SPATA1: variants seen among roughly 807,000 people sequenced by gnomAD.
The protein encoded by SPATA1 is spermatogenesis-associated protein 1.
Under a neutral mutation model 59.6 loss-of-function variants are expected in SPATA1, and 57 were observed. That is an observed-to-expected ratio of 0.96 (90% confidence interval 0.77 to 1.19). SPATA1 has a LOEUF of 1.19. SPATA1 is among the 50% of genes most tolerant of loss of function. The probability of loss-of-function intolerance (pLI) is 0.00; values close to 1 mark genes in which losing one functional copy is unlikely to be tolerated. For missense variants in SPATA1, 448 were observed against 480.7 expected, an observed-to-expected ratio of 0.93 and a Z score of 0.64; for synonymous variants, 147 against 163.9, an observed-to-expected ratio of 0.90 and a Z score of 0.79.
intron 4 of SPATA1, chr1:84,563,838 C>T: frequency 6.3e-7 from 1 of 1,596,878 alleles, no homozygotes; most frequent in Non-Finnish European, 8.5e-7. Context: ...ATATCCTAGT[C>T]AAGCAGGAGA....
At chr1:84,530,420 T>G (rs564555235) in intron 6 of SPATA1, among the ~76,000 whole-genome samples, 1 of 152,324 alleles carries the variant, frequency 6.6e-6, no homozygotes, top group South Asian at 2.1e-4. Context: ...AGAAGTACTA[T>G]GAACTGGTAC....
intron 6 of SPATA1, among the ~76,000 whole-genome samples, chr1:84,529,717 C>A (rs1683385359): frequency 6.7e-6 from 1 of 150,362 alleles, no homozygotes; most frequent in Admixed American, 6.7e-5. Context: ...GCTGGAATTA[C>A]AGGTGCCTGC....
At chr1:84,564,216 A>C (rs1684646480) in intron 4 of SPATA1, among the ~76,000 whole-genome samples, 1 of 152,228 alleles carries the variant, frequency 6.6e-6, no homozygotes, top group Admixed American at 6.5e-5. Flanking sequence ...ACTTTCTAGC[A>C]GTGATGGTCT....
intron 4 of SPATA1, among the ~76,000 whole-genome samples, chr1:84,561,511 T>C (rs1245031565): frequency 1.3e-5 from 2 of 152,242 alleles, no homozygotes; most frequent in African/African-American, 4.8e-5. Flanking sequence ...AACTTATTAA[T>C]AAAGCAGCAG....
chr1:84,551,340 C>G, intron 12 of SPATA1: 1 of 882,974 alleles, frequency 1.1e-6, no homozygotes, highest in Non-Finnish European at 1.4e-6. Context: ...AAAAGAAAAT[C>G]AGTACTGTCC....
chr1:84,520,462 G>A, intron 2 of SPATA1, 123 bp from the exon 3 acceptor site: 1 of 631,342 alleles, frequency 1.6e-6, no homozygotes, highest in Non-Finnish European at 2.5e-6. Flanking sequence ...TTTGTTCAGA[G>A]GGATGTATGT....
chr1:84,512,710 C>G (rs761464744), intron 1 of SPATA1, among the ~76,000 whole-genome samples: 1 of 152,194 alleles, frequency 6.6e-6, no homozygotes, highest in Admixed American at 6.5e-5. Flanking sequence ...CATCTACCAA[C>G]AGTTACTCCT....
At chr1:84,510,483 GC>G (rs1194945562) in intron 1 of SPATA1, among the ~76,000 whole-genome samples, 1 of 152,190 alleles carries the variant, frequency 6.6e-6, no homozygotes, top group African/African-American at 2.4e-5. Flanking sequence ...AATTAAAGTG[GC>G]TTTTATGCAA....
chr1:84,564,819 G>C (rs1195754738), intron 4 of SPATA1, among the ~76,000 whole-genome samples: 1 of 152,146 alleles, frequency 6.6e-6, no homozygotes, highest in Non-Finnish European at 1.5e-5. Context: ...GCTGAGGTGG[G>C]AGGATCACTT....
chr1:84,563,534 T>C, intron 4 of SPATA1: 1 of 776,666 alleles, frequency 1.3e-6, no homozygotes, highest in Non-Finnish European at 1.8e-6. Context: ...AACCTGACTA[T>C]ACAGAAAAAA....
intron 1 of SPATA1, among the ~76,000 whole-genome samples, chr1:84,511,002 G>A (rs1236428974): frequency 1.3e-5 from 2 of 152,194 alleles, no homozygotes; most frequent in Admixed American, 6.5e-5. Context: ...GGTTACCAGA[G>A]GCTGGGAAGG....
chr1:84,554,983 G>C (rs1399416288), downstream of SPATA1: 1 of 1,604,990 alleles, frequency 6.2e-7, no homozygotes, highest in African/African-American at 1.3e-5. Context: ...ACTCTTAATG[G>C]TTTGACAAAA....
chr1:84,543,423 C>A (rs1259347449), intron 8 of SPATA1, among the ~76,000 whole-genome samples: 1 of 152,032 alleles, frequency 6.6e-6, no homozygotes, highest in Admixed American at 6.6e-5. Context: ...GCAGGCTGTA[C>A]AGGAAGCATG....
At chr1:84,555,203 T>C (rs1185257545), downstream of SPATA1, 4 of 1,598,190 alleles carry the variant, frequency 2.5e-6, no homozygotes, top group Non-Finnish European at 3.4e-6. Flanking sequence ...CAGGATCCTA[T>C]ATAAATAAAT....
chr1:84,547,552 T>C (rs1222867742), intron 10 of SPATA1, among the ~76,000 whole-genome samples: 1 of 151,964 alleles, frequency 6.6e-6, no homozygotes, highest in East Asian at 1.9e-4. Flanking sequence ...AAAAAGAGCA[T>C]AGTAAAGAGT....
At chr1:84,556,951 G>A (rs1684449417), downstream of SPATA1, among the ~76,000 whole-genome samples, 1 of 152,108 alleles carries the variant, frequency 6.6e-6, no homozygotes, top group African/African-American at 2.4e-5. Flanking sequence ...GATTATTGAA[G>A]ATTCAGGGGC....
At chr1:84,541,761 A>C (rs556341706) in intron 8 of SPATA1, among the ~76,000 whole-genome samples, 2 of 152,222 alleles carry the variant, frequency 1.3e-5, no homozygotes, top group East Asian at 3.9e-4. Flanking sequence ...AAGTAACTGC[A>C]TGAGTGCTAG....
chr1:84,541,707 G>A (rs772828167), intron 8 of SPATA1, among the ~76,000 whole-genome samples: 14 of 152,062 alleles, frequency 9.2e-5, no homozygotes, highest in Non-Finnish European at 1.6e-4. Context: ...GCTTCATGGC[G>A]TGTTTGTTTT....
rs1452095496 is a variant in SPATA1, at chr1:84,548,785, G to C, written c.947-1G>C. On this transcript the variant is annotated splice_acceptor_variant, in intron 10 of 12. Coordinates refer to ENST00000490879, the Ensembl canonical transcript of SPATA1. LOFTEE classifies it high-confidence loss of function. ...TTTTTTTTTTTTTTTTTTTTTTATA[G>C]CCTACAATGGTTGGAAGAAAAAATA... is the stretch of plus-strand genomic sequence containing the variant. 19 of 606,910 alleles carry C rather than the reference G, an allele frequency of 3.1e-5. No individual in the cohort carries two copies. The highest frequency in any genetic ancestry group is 6.3e-5 in the African/African-American group (2 of 31,854). 37.6% of individuals were successfully genotyped at this position (606,910 alleles called of 1,614,324 possible). A position where few individuals can be genotyped will look rare whatever the true frequency, so the allele number is the denominator to read the frequency against.
Sources: allele counts gnomAD v4.1 joint callset (sites outside exome capture counted in the v4.1 genomes callset), GRCh38; gene constraint gnomAD v4.1.1; transcripts MANE v1.5; gene names NCBI Gene and HGNC (gene_info 2026-07-23, HGNC 2026-07-21).